Variants in CAMK2A observed in about 807,000 individuals in gnomAD.
CAMK2A encodes the protein calcium/calmodulin-dependent protein kinase type II subunit alpha.
In CAMK2A, 7 loss-of-function variants were observed where a neutral mutation model predicts 79.2. The ratio of observed to expected loss-of-function variants is 0.09; its 90% CI spans 0.05 to 0.17. CAMK2A has a LOEUF of 0.17. Ranked by LOEUF, CAMK2A falls within the 10% of genes least tolerant of loss-of-function variation. The pLI is 1.00. For synonymous variants in CAMK2A, 242 were observed against 251.7 expected (o/e 0.96, Z 0.36); for missense variants, 214 against 646.4 (o/e 0.33, Z 7.25).
chr5:150,230,042 G>A (rs1310009051), intron 16 of CAMK2A, among the ~76,000 whole-genome samples: 4 of 151,880 alleles, frequency 2.6e-5, no homozygotes, highest in Middle Eastern at 3.2e-3. Flanking sequence ...CAGGCCGGGC[G>A]GGCTCGGTAG....
chr5:150,251,743 C>T lies in CAMK2A; in HGVS notation c.693+7G>A, dbSNP rs1323871656. On this transcript the variant is annotated splice_region_variant and intron_variant, in intron 9 of 18. Transcript: ENST00000671881. ...TGATGGGAGCTGAAGAGAGGAGCGACACTCACATCATAGGCGCCGGCTTTG... is the reference window on the plus strand; with the variant it reads ...TGATGGGAGCTGAAGAGAGGAGCGATACTCACATCATAGGCGCCGGCTTTG... 6.3e-7 allele frequency: 1 copy of T among 1,590,076 alleles called. No homozygotes were observed. Among genetic ancestry groups the T allele is most frequent in the Admixed American group, 1.8e-5 (1 of 56,344 alleles).
At chr5:150,234,173 C>T (rs956928781) in intron 15 of CAMK2A, among the ~76,000 whole-genome samples, 2 of 152,196 alleles carry the variant, frequency 1.3e-5, no homozygotes, top group Non-Finnish European at 2.9e-5. Context: ...AGCAAACCCA[C>T]GTGCTCCTGA....
chr5:150,241,349 C>T lies in CAMK2A; in HGVS notation c.985-1613G>A, dbSNP rs370466713. On this transcript the variant is annotated intron_variant, in intron 13 of 18. Transcript: ENST00000671881. ...TCCTCCCTCCTCTCCTTCCTCTCCTCCTTCCTCTTTTCTTCCTCTCTTCCC... is the reference window on the plus strand; with the variant it reads ...TCCTCCCTCCTCTCCTTCCTCTCCTTCTTCCTCTTTTCTTCCTCTCTTCCC... Among the ~76,000 whole-genome samples the T allele has an allele frequency of 2.0e-5, 3 of 150,504 alleles. No individual in the cohort carries two copies. The East Asian group carries it at 5.9e-4, about 30-fold the overall frequency.
chr5:150,271,682 G>A (rs543786784), intron 2 of CAMK2A, among the ~76,000 whole-genome samples: 1 of 152,340 alleles, frequency 6.6e-6, no homozygotes, highest in Admixed American at 6.5e-5. Flanking sequence ...CCCAAGGAAA[G>A]CTTATACACC....
rs1438140768 is a variant in CAMK2A, at chr5:150,284,758, C to T, written c.62+4806G>A. ...TCCCCTAGCCTGGGCCCTCTCTCTCCTGTGGCCTTGGACAAACCACTTCTC... is the reference window on the plus strand; with the variant it reads ...TCCCCTAGCCTGGGCCCTCTCTCTCTTGTGGCCTTGGACAAACCACTTCTC... On this transcript the variant is annotated intron_variant, in intron 1 of 18. Coordinates refer to ENST00000671881, the MANE Select transcript of CAMK2A (RefSeq NM_015981.4). This position sits in a 1 kb window ranked among gnomAD's most constrained non-coding sequence, Gnocchi z 5.3. 1.3e-5 allele frequency among the ~76,000 whole-genome samples: 2 copies of T among 152,208 alleles called. No homozygotes were observed. Among genetic ancestry groups the T allele is most frequent in the Non-Finnish European group, 2.9e-5 (2 of 68,044 alleles).
At chr5:150,229,841 C>T (rs1034760408) in intron 16 of CAMK2A, among the ~76,000 whole-genome samples, 2 of 152,222 alleles carry the variant, frequency 1.3e-5, no homozygotes, top group African/African-American at 2.4e-5. Flanking sequence ...CACCTGCGCA[C>T]CCTCCTTGTG....
At chr5:150,273,440 C>T (rs1473089311) in intron 1 of CAMK2A, among the ~76,000 whole-genome samples, 1 of 152,204 alleles carries the variant, frequency 6.6e-6, no homozygotes, top group Non-Finnish European at 1.5e-5. Flanking sequence ...ATTAGAATCA[C>T]GTAGTGTTAG....
At chr5:150,254,174 C>G (rs926391617) in intron 6 of CAMK2A, among the ~76,000 whole-genome samples, 13 of 152,282 alleles carry the variant, frequency 8.5e-5, no homozygotes, top group Admixed American at 5.9e-4. Flanking sequence ...AGAGGGGAAG[C>G]CCTCAGGCAT....
intron 6 of CAMK2A, among the ~76,000 whole-genome samples, chr5:150,255,623 T>A (rs1398754443): frequency 6.6e-6 from 1 of 152,172 alleles, no homozygotes; most frequent in African/African-American, 2.4e-5. Flanking sequence ...GGGAAGAGTG[T>A]TCCCCAGTGG....
At chr5:150,245,706 T>C (rs1755539090) in intron 12 of CAMK2A, among the ~76,000 whole-genome samples, 1 of 152,178 alleles carries the variant, frequency 6.6e-6, no homozygotes, top group South Asian at 2.1e-4. Flanking sequence ...AAGAAGCAGA[T>C]GCCCCCACTG....
At chr5:150,274,707 A>G (rs1302757827) in intron 1 of CAMK2A, among the ~76,000 whole-genome samples, 3 of 152,220 alleles carry the variant, frequency 2.0e-5, no homozygotes, top group African/African-American at 4.8e-5. Flanking sequence ...GAGCTCCAGT[A>G]TAGTTCAGTG....
chr5:150,283,159 C>T (rs1386861551), intron 1 of CAMK2A, among the ~76,000 whole-genome samples: 2 of 152,202 alleles, frequency 1.3e-5, no homozygotes, highest in African/African-American at 2.4e-5. Flanking sequence ...CTCTTCCAGA[C>T]AATCTACAGG....
At chr5:150,260,286 C>T (rs559255727) in intron 3 of CAMK2A, among the ~76,000 whole-genome samples, 1 of 152,150 alleles carries the variant, frequency 6.6e-6, no homozygotes, top group Admixed American at 6.5e-5. Flanking sequence ...GAAACTCCCT[C>T]TCTACTAAAA....
chr5:150,259,134 C>T lies in CAMK2A; in HGVS notation c.218-1517G>A, dbSNP rs141463355. On this transcript the variant is annotated intron_variant, in intron 3 of 18. Transcript: ENST00000671881. The stretch of plus-strand genomic sequence containing the variant: ...GGTGGAGTTTGCAGTGAGCCGAGAT[C>T]GTGCCACTGCACTACAGCCTGAGCG... Among the ~76,000 whole-genome samples the T allele has an allele frequency of 3.1e-3, 467 of 151,198 alleles. 4 individuals are homozygous for T. The highest frequency in any genetic ancestry group is 0.011 in the African/African-American group (441 of 41,102).
rs114941476 is a variant in CAMK2A, at chr5:150,228,750, G to T, written c.1143-464C>A. On this transcript the variant is annotated intron_variant, in intron 16 of 18. Transcript: ENST00000671881. The stretch of plus-strand genomic sequence containing the variant: ...TTTCCTTCACATAAAAGTGACTTCT[G>T]CTCATCAAGCCAGGTATATACCTGG... 2.0e-3 allele frequency among the ~76,000 whole-genome samples: 309 copies of T among 152,258 alleles called. 2 individuals are homozygous for T. Among genetic ancestry groups the T allele is most frequent in the African/African-American group, 7.2e-3 (297 of 41,536 alleles).
chr5:150,238,833 C>G (rs1053922432), intron 14 of CAMK2A, 85 bp from the exon 15 acceptor site: 2 of 1,225,996 alleles, frequency 1.6e-6, no homozygotes, highest in African/African-American at 3.1e-5. Context: ...GGTGACGCGG[C>G]TGGTTTCTGT....
chr5:150,230,629 G>A (rs1231023915), intron 16 of CAMK2A, among the ~76,000 whole-genome samples: 1 of 152,248 alleles, frequency 6.6e-6, no homozygotes, highest in Non-Finnish European at 1.5e-5. Context: ...GGGCCCAAGT[G>A]AAGTCTGTTT....
intron 2 of CAMK2A, among the ~76,000 whole-genome samples, chr5:150,272,586 AAGAG>A (rs1554123921): frequency 2.7e-5 from 4 of 150,412 alleles, no homozygotes; most frequent in African/African-American, 4.9e-5. Flanking sequence ...AAAAAAAAAA[AAGAG>A]AGAGAGAGAG....
chr5:150,261,577 T>C (rs1249542235), intron 3 of CAMK2A, among the ~76,000 whole-genome samples: 3 of 152,248 alleles, frequency 2.0e-5, no homozygotes, highest in Non-Finnish European at 4.4e-5. Flanking sequence ...ACTTCTGGCA[T>C]GCCTGTGATT....
Sources: allele counts gnomAD v4.1 joint callset (sites outside exome capture counted in the v4.1 genomes callset), GRCh38; gene constraint gnomAD v4.1.1; non-coding constraint Gnocchi (gnomAD v3.1); transcripts MANE v1.5; gene names NCBI Gene and HGNC (gene_info 2026-07-23, HGNC 2026-07-21).